The following ZNF729 variants were observed in gnomAD, a reference collection of about 807,000 sequenced individuals.
The protein encoded by ZNF729 is zinc finger protein 729.
ZNF729 carries 15 observed loss-of-function variants against 12.2 expected under a neutral mutation model. The ratio of observed to expected loss-of-function variants is 1.23; its 90% confidence interval spans 0.82 to 1.89. The LOEUF is 1.89. ZNF729 is among the 40% of genes most tolerant of loss of function. ZNF729 has a pLI of 0.00. For synonymous variants in ZNF729, 492 were observed against 476.3 expected (o/e 1.03, Z -0.43); for missense variants, 1,540 against 1,456.7 (o/e 1.06, Z -0.93).
chr19:22,309,112 C>A (rs1309602347), intron 3 of ZNF729, among the ~76,000 whole-genome samples: 1 of 152,120 alleles, frequency 6.6e-6, no homozygotes, highest in Non-Finnish European at 1.5e-5. Flanking sequence ...CAGTTTTATT[C>A]TATGTGTGGC....
In ZNF729 at chr19:22,315,044, C is replaced by G; in HGVS notation, c.1627C>G (p.Pro543Ala). 1 of 1,611,402 alleles carries G rather than the reference C, an allele frequency of 6.2e-7. No individual in the cohort carries two copies. The highest frequency in any genetic ancestry group is 1.1e-5 in the South Asian group (1 of 91,060). Reference sequence around the variant, plus strand: ...TCAGATAATTCATACTGGAGAGAAACCCTACAAATGTGAAGAATGTGGTAA... The same window carrying G: ...TCAGATAATTCATACTGGAGAGAAAGCCTACAAATGTGAAGAATGTGGTAA... ...NHQIIHTGEKPYKCEECGKAF... is the reference protein window; with the variant it reads ...NHQIIHTGEKAYKCEECGKAF... The change falls in exon 4 of 4, where the codon CCC (proline) becomes GCC (alanine). Residue 543 changes from proline (P) to alanine (A), a missense_variant. Coordinates refer to ENST00000601693, the MANE Select transcript of ZNF729 (RefSeq NM_001242680.2).
intron 3 of ZNF729, among the ~76,000 whole-genome samples, chr19:22,311,749 A>C (rs536574666): frequency 1.3e-5 from 2 of 152,164 alleles, no homozygotes; most frequent in East Asian, 3.9e-4. Context: ...TTATTTGTTG[A>C]CTTTCTGTCT....
chr19:22,308,597 G>T (rs912570382), intron 3 of ZNF729, among the ~76,000 whole-genome samples: 1 of 151,910 alleles, frequency 6.6e-6, no homozygotes, highest in Non-Finnish European at 1.5e-5. Flanking sequence ...TCGTATTGTG[G>T]TTTTGATTTG....
chr19:22,287,602 A>G (rs940421151), intron 1 of ZNF729, among the ~76,000 whole-genome samples: 1 of 151,964 alleles, frequency 6.6e-6, no homozygotes, highest in African/African-American at 2.4e-5. Flanking sequence ...ATCAGGGACT[A>G]GAGCCACCTC....
At position 22,316,991 on chromosome 19, in the gene ZNF729, G is replaced by A; in HGVS notation, c.3574G>A (p.Glu1192Lys). The change falls in exon 4 of 4, where the codon GAA becomes AAA. Residue 1192 changes from glutamate to lysine, a missense_variant. Physicochemically the swap from Glu to Lys is moderately conservative, Grantham distance 56. Transcript: ENST00000601693. ...TGGAGAGAAACCCTACAAATGTGAA[G>A]AATGTGGCAAAGCTTTTATTCAGTG... ...HTGEKPYKCE[E>K]CGKAFIQCSY... The A allele has an allele frequency of 4.3e-6, 7 of 1,612,462 alleles. No homozygotes were observed. Among genetic ancestry groups the A allele is most frequent in the Non-Finnish European group, 5.9e-6 (7 of 1,179,980 alleles).
intron 3 of ZNF729, among the ~76,000 whole-genome samples, chr19:22,305,076 T>C (rs571406517): frequency 2.6e-5 from 4 of 152,328 alleles, no homozygotes; most frequent in Non-Finnish European, 5.9e-5. Flanking sequence ...TCCATTGTTA[T>C]TGGGGACACA....
chr19:22,317,117 A>G lies in ZNF729; in HGVS notation c.3700A>G (p.Lys1234Glu). Reference protein sequence around the residue: ...LLSNPHTLLDKTIHTGEKPYK... With the variant: ...LLSNPHTLLDETIHTGEKPYK... ...AAGCAATCCTCACACCTTACTAGAC[A>G]AAACAATTCATACTGGAGAGAAACC... Residue 1234 changes from lysine (K) to glutamate (E), a missense_variant, in exon 4 of 4, where the codon AAA (lysine) becomes GAA (glutamate). Transcript: ENST00000601693. The G allele has an allele frequency of 6.2e-7, 1 of 1,601,884 alleles. No individual in the cohort carries two copies.
chr19:22,304,688 G>A lies in ZNF729; in HGVS notation c.158G>A (p.Gly53Asp). The A allele has an allele frequency of 6.2e-7, 1 of 1,610,880 alleles. No individual in the cohort carries two copies. Among genetic ancestry groups the A allele is most frequent in the Non-Finnish European group, 8.5e-7 (1 of 1,178,400 alleles). ...ATGTTATTTATTTTTAATAAAACAG[G>A]TATGGCTGTCTTTAAGCCAGACTTG... ...LENYRNLVFL[G>D]MAVFKPDLIT... The change falls in exon 3 of 4, where the codon GGT (glycine) becomes GAT (aspartate). Residue 53 changes from glycine to aspartate, a missense_variant and splice_region_variant. Coordinates refer to ENST00000601693, the MANE Select transcript of ZNF729 (RefSeq NM_001242680.2).
In ZNF729 at chr19:22,315,319, C is replaced by G. The variant is rs1181654002; in HGVS notation, c.1902C>G (p.Gly634=). 4 of 1,612,704 alleles carry G rather than the reference C, an allele frequency of 2.5e-6. No individual in the cohort carries two copies. In the African/African-American group the frequency reaches 5.4e-5, roughly 22 times the overall value. Residue 634 remains glycine (G), a synonymous_variant, in exon 4 of 4, where the codon GGC becomes GGG. Coordinates refer to ENST00000601693, the MANE Select transcript of ZNF729 (RefSeq NM_001242680.2). ...GKKPYKCEEC[G]KAFRQSSHLT... ...AACCGTACAAATGTGAAGAATGTGG[C>G]AAAGCTTTTAGGCAATCCTCACACC...
intron 1 of ZNF729, among the ~76,000 whole-genome samples, chr19:22,293,754 A>G (rs2145042338): frequency 6.6e-6 from 1 of 152,272 alleles, no homozygotes; most frequent in African/African-American, 2.4e-5. Flanking sequence ...TTGGCCTCTG[A>G]GAGTGCTGGG....
In ZNF729 at chr19:22,305,381, T is replaced by A. The variant is rs542267899; in HGVS notation, c.253+598T>A. On this transcript the variant is annotated intron_variant, in intron 3 of 3. Transcript: ENST00000601693. Reference sequence around the variant, plus strand: ...TGTTACCTACATTTTGTTTTCTTAATCTTTTACATGAATTTTCTATTTTTT... The same window carrying A: ...TGTTACCTACATTTTGTTTTCTTAAACTTTTACATGAATTTTCTATTTTTT... 1.2e-4 allele frequency among the ~76,000 whole-genome samples: 19 copies of A among 152,320 alleles called. No individual in the cohort carries two copies. In the South Asian group the frequency reaches 1.7e-3, roughly 13 times the overall value.
At chr19:22,303,648 T>C in intron 1 of ZNF729, 110 bp from the exon 2 acceptor site, 2 of 1,051,978 alleles carry the variant, frequency 1.9e-6, no homozygotes, top group Non-Finnish European at 2.6e-6. Context: ...GTCATCCCTA[T>C]AAGTTAGAAT....
intron 1 of ZNF729, among the ~76,000 whole-genome samples, chr19:22,298,372 T>G (rs1968259694): frequency 6.6e-6 from 1 of 152,212 alleles, no homozygotes; most frequent in African/African-American, 2.4e-5. Flanking sequence ...TTACATGCCT[T>G]ATATCTAATA....
At chr19:22,298,005 C>CAAAAAAAAA (rs34435303) in intron 1 of ZNF729, among the ~76,000 whole-genome samples, 10 of 68,114 alleles carry the variant, frequency 1.5e-4, no homozygotes, top group Admixed American at 2.0e-4. Context: ...AACTCCATCT[C>CAAAAAAAAA]AAAAAAAAAA....
rs1202053160 is a variant in ZNF729, at chr19:22,316,294, T to C, written c.2877T>C (p.Thr959=). The C allele has an allele frequency of 6.2e-7, 1 of 1,613,690 alleles. No homozygotes were observed. Among genetic ancestry groups the C allele is most frequent in the African/African-American group, 1.3e-5 (1 of 75,034 alleles). ...TTATGAAGCATAAGATAATTCATAC[T>C]GGGAAGAAACCATACAAATGTGCAG... ...STLMKHKIIH[T]GKKPYKCAEC... Residue 959 remains threonine (T), a synonymous_variant, in exon 4 of 4, where the codon ACT becomes ACC. Coordinates refer to ENST00000601693, the MANE Select transcript of ZNF729 (RefSeq NM_001242680.2).
intron 1 of ZNF729, among the ~76,000 whole-genome samples, chr19:22,296,926 T>G (rs2145044902): frequency 7.6e-6 from 1 of 130,836 alleles, no homozygotes; most frequent in Admixed American, 7.7e-5. Flanking sequence ...AATTGTAATT[T>G]TGTCAAGCTG....
At chr19:22,307,800 G>GTTTTTTTT in intron 3 of ZNF729, among the ~76,000 whole-genome samples, 37 of 53,360 alleles carry the variant, frequency 6.9e-4, no homozygotes, top group Non-Finnish European at 1.1e-3. Context: ...AAAGCTCTGT[G>GTTTTTTTT]TTTTTTTTTT....
intron 1 of ZNF729, among the ~76,000 whole-genome samples, chr19:22,303,537 T>C (rs1390700384): frequency 6.6e-6 from 1 of 152,248 alleles, no homozygotes; most frequent in Non-Finnish European, 1.5e-5. Context: ...GTATCTTATC[T>C]ACACTGGTGT....
chr19:22,315,046 C>T lies in ZNF729; in HGVS notation c.1629C>T (p.Pro543=), dbSNP rs1486931966. 1.2e-6 allele frequency: 2 copies of T among 1,610,582 alleles called. No individual in the cohort carries two copies. Among genetic ancestry groups the T allele is most frequent in the Admixed American group, 1.7e-5 (1 of 59,878 alleles). Residue 543 remains proline (P), a synonymous_variant, in exon 4 of 4, where the codon CCC becomes CCT. Coordinates refer to ENST00000601693, the MANE Select transcript of ZNF729 (RefSeq NM_001242680.2). The part of the protein sequence containing the change: ...NHQIIHTGEK[P]YKCEECGKAF... Reference sequence around the variant, plus strand: ...AGATAATTCATACTGGAGAGAAACCCTACAAATGTGAAGAATGTGGTAAAG... The same window carrying T: ...AGATAATTCATACTGGAGAGAAACCTTACAAATGTGAAGAATGTGGTAAAG...
Sources: gnomAD v4.1 joint callset for allele counts (sites outside exome capture counted in the v4.1 genomes callset) on GRCh38, gnomAD v4.1.1 for gene constraint, MANE v1.5 for transcripts, NCBI Gene and HGNC (gene_info 2026-07-23, HGNC 2026-07-21) for gene names.